OPCML: variants seen among roughly 807,000 people sequenced by gnomAD.
OPCML encodes opioid binding protein/cell adhesion molecule like.
Under a neutral mutation model 37.8 loss-of-function variants are expected in OPCML, and 13 were observed. The observed-to-expected ratio is 0.34, with a 90% CI of 0.22 to 0.55. The LOEUF (loss-of-function observed/expected upper bound fraction) is 0.55, where lower values mean the gene tolerates loss of function less well. OPCML is among the 20% of genes least tolerant of loss of function. The probability of loss-of-function intolerance (pLI) is 0.91; values close to 1 mark genes in which losing one functional copy is unlikely to be tolerated. For missense variants in OPCML, 341 were observed against 435.6 expected, an observed-to-expected ratio of 0.78 and a Z score of 1.93; for synonymous variants, 176 against 168.8, an observed-to-expected ratio of 1.04 and a Z score of -0.33.
Position 132,866,779 on chromosome 11 carries a change from T to C in OPCML, c.146+76147A>G, listed in dbSNP as rs60017178. On this transcript the variant is annotated intron_variant, in intron 2 of 7. Transcript: ENST00000524381. ...GAGATCAAGTAGATTTCAATACCCT[T>C]GATTCAAAGATGAGTAAAACAAAAT... Among the ~76,000 whole-genome samples, 1,190 of 152,368 alleles carry C rather than the reference T, an allele frequency of 7.8e-3. 23 individuals are homozygous for C. Among genetic ancestry groups the C allele is most frequent in the African/African-American group, 0.026 (1,083 of 41,582 alleles).
chr11:132,744,002 C>T lies in OPCML; in HGVS notation c.147-86683G>A, dbSNP rs77036305. On this transcript the variant is annotated intron_variant, in intron 2 of 7. Transcript: ENST00000524381. Reference sequence around the variant, plus strand: ...TAATGCTTTGTGTCATGCGTACCTACTCTAATCATCTCATGCTAAGTGATC... The same window carrying T: ...TAATGCTTTGTGTCATGCGTACCTATTCTAATCATCTCATGCTAAGTGATC... 8.6e-3 allele frequency among the ~76,000 whole-genome samples: 1,314 copies of T among 152,292 alleles called. 10 individuals are homozygous for T. Among genetic ancestry groups the T allele is most frequent in the South Asian group, 0.016 (79 of 4,822 alleles).
intron 1 of OPCML, among the ~76,000 whole-genome samples, chr11:133,198,385 T>TA (rs1938622615): frequency 6.6e-6 from 1 of 152,240 alleles, no homozygotes; most frequent in Non-Finnish European, 1.5e-5. Flanking sequence ...CCACAGTAGG[T>TA]ACATTTAGCA....
At chr11:133,069,324 T>A (rs1204626992) in intron 1 of OPCML, among the ~76,000 whole-genome samples, 1 of 152,218 alleles carries the variant, frequency 6.6e-6, no homozygotes, top group Non-Finnish European at 1.5e-5. Flanking sequence ...TTTATTTATT[T>A]AAGTGACAGA....
At chr11:132,803,903 C>T (rs562001591) in intron 2 of OPCML, among the ~76,000 whole-genome samples, 28 of 152,114 alleles carry the variant, frequency 1.8e-4, no homozygotes, top group Non-Finnish European at 3.2e-4. Flanking sequence ...ATATAGTAAG[C>T]CATGCTCACT....
At chr11:132,922,921 G>T (rs1044677984) in intron 2 of OPCML, among the ~76,000 whole-genome samples, 1 of 149,950 alleles carries the variant, frequency 6.7e-6, no homozygotes, top group African/African-American at 2.5e-5. Flanking sequence ...TTTGTTTTTT[G>T]TTTTTTTTTA....
At chr11:132,654,443 C>G (rs1419533937) in intron 3 of OPCML, among the ~76,000 whole-genome samples, 1 of 152,086 alleles carries the variant, frequency 6.6e-6, no homozygotes, top group East Asian at 1.9e-4. Flanking sequence ...ATGTCATCCC[C>G]AAAAGAAGAT....
At chr11:132,712,613 C>T (rs887548635) in intron 2 of OPCML, among the ~76,000 whole-genome samples, 5 of 152,292 alleles carry the variant, frequency 3.3e-5, no homozygotes, top group African/African-American at 1.2e-4. Flanking sequence ...GCCAGCTCCG[C>T]GCCGCGTGTC....
At chr11:132,554,152 C>T (rs2096388905) in intron 3 of OPCML, among the ~76,000 whole-genome samples, 1 of 152,168 alleles carries the variant, frequency 6.6e-6, no homozygotes, top group South Asian at 2.1e-4. Context: ...AGACTGCTCC[C>T]CTCTTCCACT....
intron 1 of OPCML, among the ~76,000 whole-genome samples, chr11:133,013,279 G>T (rs777160362): frequency 4.6e-5 from 7 of 152,018 alleles, no homozygotes; most frequent in Non-Finnish European, 1.0e-4. Flanking sequence ...GTCACTTTTT[G>T]GTTGGTGTAC....
intron 2 of OPCML, among the ~76,000 whole-genome samples, chr11:132,828,559 A>C (rs1206147821): frequency 6.6e-6 from 1 of 150,714 alleles, no homozygotes; most frequent in Non-Finnish European, 1.5e-5. Flanking sequence ...TTAAAAAAAA[A>C]AGTCTATTTA....
At chr11:133,342,998 C>T (rs1240796050) in intron 1 of OPCML, among the ~76,000 whole-genome samples, 1 of 152,088 alleles carries the variant, frequency 6.6e-6, no homozygotes, top group Non-Finnish European at 1.5e-5. Context: ...TGAACATCTC[C>T]CTACATTTTT....
At chr11:132,804,368 A>G (rs1443731193) in intron 2 of OPCML, among the ~76,000 whole-genome samples, 1 of 152,192 alleles carries the variant, frequency 6.6e-6, no homozygotes, top group Non-Finnish European at 1.5e-5. Flanking sequence ...GTGGCAAACT[A>G]GAGAGGAGGC....
intron 1 of OPCML, among the ~76,000 whole-genome samples, chr11:133,313,159 C>T (rs7926233): frequency 0.59 from 90,255 of 152,016 alleles, 28,274 homozygotes; most frequent in East Asian, 0.86. Flanking sequence ...TATAAATGCA[C>T]GGAGCAGCAA....
chr11:133,321,392 T>C (rs1408911989), intron 1 of OPCML, among the ~76,000 whole-genome samples: 4 of 152,178 alleles, frequency 2.6e-5, no homozygotes, highest in Admixed American at 6.5e-5. Context: ...TTTGGTTAAA[T>C]TGATTTCATT....
At chr11:133,136,288 C>A (rs1236832371) in intron 1 of OPCML, among the ~76,000 whole-genome samples, 19 of 152,172 alleles carry the variant, frequency 1.2e-4, no homozygotes. Context: ...GGGAATAAAG[C>A]TTTTGACTGT....
intron 1 of OPCML, among the ~76,000 whole-genome samples, chr11:133,246,423 T>G (rs1231818363): frequency 6.6e-6 from 1 of 152,226 alleles, no homozygotes; most frequent in African/African-American, 2.4e-5. Context: ...TGGAAGCCTT[T>G]CCTGAGTTGA....
At chr11:133,479,734 G>T (rs1326304321) in intron 1 of OPCML, among the ~76,000 whole-genome samples, 1 of 152,106 alleles carries the variant, frequency 6.6e-6, no homozygotes, top group Non-Finnish European at 1.5e-5. Flanking sequence ...CCATATGCTG[G>T]GAACCAGCTC....
At chr11:133,012,896 TC>T (rs1316142808) in intron 1 of OPCML, among the ~76,000 whole-genome samples, 1 of 143,368 alleles carries the variant, frequency 7.0e-6, no homozygotes, top group Non-Finnish European at 1.5e-5. Flanking sequence ...AAGAAAAAAA[TC>T]AGTCTGTACT....
intron 3 of OPCML, among the ~76,000 whole-genome samples, chr11:132,613,602 T>G (rs1285175890): frequency 7.9e-5 from 12 of 152,162 alleles, no homozygotes. Context: ...CCCCATTCCT[T>G]GTATGACTAA....
Sources: allele counts gnomAD v4.1 joint callset (sites outside exome capture counted in the v4.1 genomes callset), GRCh38; gene constraint gnomAD v4.1.1; transcripts MANE v1.5; gene names NCBI Gene and HGNC (gene_info 2026-07-23, HGNC 2026-07-21).